Variants in LZTS2 observed in about 807,000 individuals in gnomAD.
LZTS2 encodes the protein leucine zipper tumor suppressor 2.
A neutral mutation model predicts 60.6 loss-of-function variants in LZTS2; 32 were observed. The ratio of observed to expected loss-of-function variants is 0.53; its 90% CI spans 0.40 to 0.71. The LOEUF is 0.71. Ranked by LOEUF, LZTS2 falls within the 30% of genes least tolerant of loss-of-function variation. The pLI is 0.00. For synonymous variants in LZTS2, 360 were observed against 393.1 expected, an observed-to-expected ratio of 0.92 and a Z score of 1.00; for missense variants, 792 against 901.9, an observed-to-expected ratio of 0.88 and a Z score of 1.56.
exon 1 of LZTS2, chr10:101,002,418 A>C (rs1273181773): frequency 6.6e-6 from 6 of 903,474 alleles, no homozygotes; most frequent in Non-Finnish European, 9.6e-6. Context: ...ACTGATGTCA[A>C]GGAGGTGTTT....
intron 1 of LZTS2, 142 bp from the exon 3 acceptor site, chr10:101,003,365 A>G: frequency 1.3e-6 from 1 of 767,884 alleles, no homozygotes; most frequent in African/African-American, 1.7e-5. Context: ...CAAAGCTGAC[A>G]CTGGTGGCCA....
At chr10:101,004,567 C>T (rs564438869) in intron 2 of LZTS2, among the ~76,000 whole-genome samples, 73 of 152,302 alleles carry the variant, frequency 4.8e-4, no homozygotes, top group African/African-American at 1.6e-3. Flanking sequence ...TCCACCATTG[C>T]ACTCCAGCCT....
At position 101,001,617 on chromosome 10, in the gene LZTS2, A is replaced by C. The variant is rs528695422; in HGVS notation, c.-922A>C. On this transcript the variant is annotated 5_prime_UTR_variant, in exon 1 of 4. Coordinates refer to ENST00000370220, the Ensembl canonical transcript of LZTS2. ...GTGGAGGCTTGCAGCTGCTTCCAGGAAGGAGCAGAGCCTGGGGAGGTGGAG... is the reference window on the plus strand; with the variant it reads ...GTGGAGGCTTGCAGCTGCTTCCAGGCAGGAGCAGAGCCTGGGGAGGTGGAG... 4 of 152,394 alleles carry C rather than the reference A, an allele frequency of 2.6e-5. No homozygotes were observed. In the East Asian group the frequency reaches 7.7e-4, roughly 29 times the overall value. The allele number at this position is 152,394 out of a possible 1,614,324, so 9.4% of individuals were successfully genotyped here. A position where few individuals can be genotyped will look rare whatever the true frequency, so the allele number is the denominator to read the frequency against.
exon 4 of LZTS2, chr10:101,007,599 C>A: frequency 7.8e-7 from 1 of 1,279,440 alleles, no homozygotes; most frequent in Non-Finnish European, 1.0e-6. Flanking sequence ...GGGGACAGGG[C>A]CGGGCCTGGG....
At chr10:101,005,383 T>C in intron 2 of LZTS2, 75 bp from the exon 4 acceptor site, 1 of 1,469,382 alleles carries the variant, frequency 6.8e-7, no homozygotes, top group Non-Finnish European at 9.0e-7. Context: ...CCCTCGGAAG[T>C]GGGCTGCCAG....
chr10:101,006,593 CGGGAGGCCCGTGCTACGCTGCGGGTCA>C, exon 4 of LZTS2: 1 of 1,608,088 alleles, frequency 6.2e-7, no homozygotes, highest in Non-Finnish European at 8.5e-7. Flanking sequence ...GGTGGCGCTG[CGGGAGGCCCGTGCTACGCTGCGGGTCA>C]GTGAGGGCCG....
chr10:101,001,133 C>T (rs761728141), exon 1 of LZTS2: 1 of 152,346 alleles, frequency 6.6e-6, no homozygotes, highest in Admixed American at 6.5e-5. Context: ...CTCCACTGCA[C>T]CACTCACCTT....
chr10:101,003,880 C>G (rs1852105228), exon 2 of LZTS2: 1 of 1,613,008 alleles, frequency 6.2e-7, no homozygotes, highest in Non-Finnish European at 8.5e-7. Context: ...CCTGGGCCAG[C>G]CCGAGGGGTC....
At chr10:101,005,598 A>G (rs746178189) in exon 3 of LZTS2, 33 of 1,611,312 alleles carry the variant, frequency 2.0e-5, no homozygotes, top group South Asian at 9.9e-5. Context: ...AGAAGCGGCA[A>G]TTGCAGGACG....
upstream of LZTS2, chr10:100,998,327 A>ATCAG (rs1345875339): frequency 2.0e-5 from 3 of 152,976 alleles, no homozygotes; most frequent in Non-Finnish European, 4.4e-5. Flanking sequence ...GTGCCCCAGG[A>ATCAG]GGCAGGGATC....
chr10:101,002,579 C>T, exon 1 of LZTS2: 3 of 1,543,786 alleles, frequency 1.9e-6, no homozygotes, highest in Non-Finnish European at 2.6e-6. Flanking sequence ...CTGGAGCCTG[C>T]TCCTGAAGCT....
exon 2 of LZTS2, chr10:101,003,799 G>A: frequency 1.2e-6 from 2 of 1,613,242 alleles, no homozygotes; most frequent in Non-Finnish European, 1.7e-6. Flanking sequence ...TACAGCACCG[G>A]AGGTGCCGAG....
rs1004669308 is a variant in LZTS2 at position 101,005,333 on chromosome 10, C to T, written c.1069-125C>T. 4.7e-6 allele frequency: 5 copies of T among 1,063,824 alleles called. No homozygotes were observed. In the African/African-American group the frequency reaches 8.0e-5, roughly 17 times the overall value. 65.9% of individuals were successfully genotyped at this position (1,063,824 alleles called of 1,614,324 possible). A position where few individuals can be genotyped will look rare whatever the true frequency, so the allele number is the denominator to read the frequency against. Reference sequence around the variant, plus strand: ...ATAAAAGCAGTTAGTATTGTTGTTGCAATTACTATTGTTGTTTAATGGAAT... The same window carrying T: ...ATAAAAGCAGTTAGTATTGTTGTTGTAATTACTATTGTTGTTTAATGGAAT... On this transcript the variant is annotated intron_variant, in intron 2 of 3. Transcript: ENST00000370220.
intron 2 of LZTS2, among the ~76,000 whole-genome samples, chr10:101,005,091 C>T (rs114304971): frequency 0.018 from 2,764 of 152,218 alleles, 82 homozygotes; most frequent in African/African-American, 0.06. Context: ...GTAGCCTCAA[C>T]CCCCTGGGCT....
exon 3 of LZTS2, chr10:101,005,578 C>T (rs747299848): frequency 1.2e-6 from 2 of 1,610,892 alleles, no homozygotes; most frequent in Non-Finnish European, 1.7e-6. Flanking sequence ...GGTGTTCCAG[C>T]TGCAGCAGGA....
exon 4 of LZTS2, chr10:101,007,537 G>C (rs922714674): frequency 1.5e-6 from 2 of 1,320,632 alleles, no homozygotes; most frequent in African/African-American, 3.0e-5. Flanking sequence ...CGACCCCAAA[G>C]CCAGAGAAAG....
At chr10:101,004,052 T>A (rs926709723) in exon 2 of LZTS2, 1 of 1,613,194 alleles carries the variant, frequency 6.2e-7, no homozygotes, top group African/African-American at 1.3e-5. Context: ...CGCCTCCACC[T>A]CCTTCGGATG....
At chr10:101,007,558 C>A in exon 4 of LZTS2, 2 of 1,309,518 alleles carry the variant, frequency 1.5e-6, no homozygotes, top group South Asian at 2.5e-5. Context: ...CCAGATGGCA[C>A]CAGCTGCTCC....
intron 1 of LZTS2, 94 bp from the exon 3 acceptor site, chr10:101,003,413 C>T (rs1166586300): frequency 2.5e-5 from 33 of 1,323,612 alleles, no homozygotes; most frequent in Non-Finnish European, 3.4e-5. Context: ...AATATATGGG[C>T]ACTGGGGACC....
Sources: allele counts gnomAD v4.1 joint callset (sites outside exome capture counted in the v4.1 genomes callset), GRCh38; gene constraint gnomAD v4.1.1; transcripts MANE v1.5; gene names NCBI Gene and HGNC (gene_info 2026-07-23, HGNC 2026-07-21).